The following FAT3 variants were observed in gnomAD, a reference collection of about 807,000 sequenced individuals.
FAT3 encodes the protein protocadherin Fat 3.
Under a neutral mutation model 310.2 loss-of-function variants are expected in FAT3, and 95 were observed. That is an observed-to-expected ratio of 0.31 (90% confidence interval 0.26 to 0.36). The LOEUF is 0.36. Ranked by LOEUF, FAT3 falls within the 10% of genes least tolerant of loss-of-function variation. The pLI is 1.00. For synonymous variants in FAT3, 2,314 were observed against 2,192.9 expected (o/e 1.06, Z -1.54); for missense variants, 5,408 against 5,715.6 (o/e 0.95, Z 1.74).
At chr11:92,374,026 A>AGG (rs1338083906) in intron 2 of FAT3, among the ~76,000 whole-genome samples, 18 of 124,228 alleles carry the variant, frequency 1.4e-4, no homozygotes, top group African/African-American at 7.3e-4. Context: ...TCAGACAGAG[A>AGG]GAGGGAGAGA....
At chr11:92,491,859 TG>T (rs1270516227) in intron 2 of FAT3, among the ~76,000 whole-genome samples, 2 of 152,158 alleles carry the variant, frequency 1.3e-5, no homozygotes, top group African/African-American at 4.8e-5. Context: ...GACAGACCTG[TG>T]CTTATTTTCT....
chr11:92,465,971 T>C (rs1951749747), intron 2 of FAT3, among the ~76,000 whole-genome samples: 1 of 152,180 alleles, frequency 6.6e-6, no homozygotes, highest in African/African-American at 2.4e-5. Flanking sequence ...TAGTCATAAA[T>C]AGTAGCATTT....
chr11:92,403,671 G>A (rs1453936006), intron 2 of FAT3, among the ~76,000 whole-genome samples: 1 of 152,186 alleles, frequency 6.6e-6, no homozygotes, highest in Non-Finnish European at 1.5e-5. Context: ...CAGGGCGGGG[G>A]AATGTGTAGG....
At position 92,799,160 on chromosome 11, in the gene FAT3, A is replaced by G. The variant is rs528526310; in HGVS notation, c.6147A>G (p.Leu2049=). The change falls in exon 10 of 28, where the codon TTA becomes TTG. Residue 2049 remains leucine, a synonymous_variant. Coordinates refer to ENST00000525166, the MANE Select transcript of FAT3 (RefSeq NM_001367949.2). ...CCTTTGACCGTGAAGAACAAGAGTT[A>G]TATGAGCTGGTGGTAGAAGCCAGCC... ...GVPFDREEQE[L]YELVVEASRE... is the part of the protein sequence containing the mutation. The G allele has an allele frequency of 6.2e-6, 10 of 1,613,986 alleles. No homozygotes were observed. In the East Asian group the frequency reaches 1.6e-4, roughly 25 times the overall value.
Position 92,792,652 on chromosome 11 carries a change from CT to C in FAT3, c.4612-114del, listed in dbSNP as rs1000739372. On this transcript the variant is annotated intron_variant, in intron 8 of 27. Coordinates refer to ENST00000525166, the MANE Select transcript of FAT3 (RefSeq NM_001367949.2). Reference sequence around the variant, plus strand: ...CTGAGCACCTACTAGAAGCCTGGAACTGGGTCAAGCACTTTGCGTGCATTAT... The same window carrying C: ...CTGAGCACCTACTAGAAGCCTGGAACGGGTCAAGCACTTTGCGTGCATTAT... 3 of 931,970 alleles carry C rather than the reference CT, an allele frequency of 3.2e-6. No individual in the cohort carries two copies. The African/African-American group carries it at 4.9e-5, about 15-fold the overall frequency. 57.7% of individuals were successfully genotyped at this position (931,970 alleles called of 1,614,324 possible).
At chr11:92,314,750 G>A (rs1400377723) in intron 1 of FAT3, among the ~76,000 whole-genome samples, 2 of 152,170 alleles carry the variant, frequency 1.3e-5, no homozygotes, top group Non-Finnish European at 2.9e-5. Context: ...CCTAAGGCTC[G>A]TTTTTAGCTG....
intron 13 of FAT3, among the ~76,000 whole-genome samples, chr11:92,829,391 G>T (rs1341896594): frequency 6.6e-6 from 1 of 152,184 alleles, no homozygotes; most frequent in Non-Finnish European, 1.5e-5. Flanking sequence ...AAACCTGTGT[G>T]CTGTATTTAT....
chr11:92,387,136 G>A (rs1288152276), intron 2 of FAT3, among the ~76,000 whole-genome samples: 5 of 151,432 alleles, frequency 3.3e-5, no homozygotes, highest in Middle Eastern at 6.8e-3. Context: ...ACGTCAGAGC[G>A]TCCTTTCCAC....
chr11:92,800,291 T>C lies in FAT3; in HGVS notation c.7278T>C (p.Phe2426=), dbSNP rs1318763182. ...CCTCTGATGCAGACAGCTCTGATTTTGACCGGTTGGAATATAGCATTTTAT... is the reference window on the plus strand; with the variant it reads ...CCTCTGATGCAGACAGCTCTGATTTCGACCGGTTGGAATATAGCATTTTAT... ...VQASDADSSD[F]DRLEYSILSG... is the part of the protein sequence containing the mutation. Residue 2426 remains phenylalanine (F), a synonymous_variant, in exon 10 of 28, where the codon TTT becomes TTC. Transcript: ENST00000525166. 3 of 1,613,908 alleles carry C rather than the reference T, an allele frequency of 1.9e-6. No individual in the cohort carries two copies. The highest frequency in any genetic ancestry group is 2.5e-6 in the Non-Finnish European group (3 of 1,179,786).
chr11:92,849,632 G>A (rs920306509), intron 19 of FAT3, among the ~76,000 whole-genome samples: 2 of 152,188 alleles, frequency 1.3e-5, no homozygotes, highest in African/African-American at 2.4e-5. Context: ...ATTGGGGCAC[G>A]GAGGAAGCAT....
rs116615287 is a variant in FAT3 at position 92,552,201 on chromosome 11, C to A, written c.3607+27253C>A. Reference sequence around the variant, plus strand: ...CAAGAATTCAAATGAAAATTTCTGCCTTCTCAGCATCAAGCAGTTATTGAA... The same window carrying A: ...CAAGAATTCAAATGAAAATTTCTGCATTCTCAGCATCAAGCAGTTATTGAA... On this transcript the variant is annotated intron_variant, in intron 3 of 27. Transcript: ENST00000525166. Among the ~76,000 whole-genome samples the A allele has an allele frequency of 6.1e-3, 931 of 152,230 alleles. 6 individuals are homozygous for A. The highest frequency in any genetic ancestry group is 0.021 in the African/African-American group (883 of 41,540).
chr11:92,423,917 C>A lies in FAT3; in HGVS notation c.3292+68513C>A, dbSNP rs192344480. Among the ~76,000 whole-genome samples the A allele has an allele frequency of 1.2e-3, 185 of 152,284 alleles. 1 individual carries two copies. Among genetic ancestry groups the A allele is most frequent in the Admixed American group, 3.7e-3 (57 of 15,282 alleles). On this transcript the variant is annotated intron_variant, in intron 2 of 27. Coordinates refer to ENST00000525166, the MANE Select transcript of FAT3 (RefSeq NM_001367949.2). ...TAGTCTACTGATTGTAAATATTAAT[C>A]ATGTCTAAAATATACCTTCACAGTA...
At chr11:92,371,992 C>T (rs757834851) in intron 2 of FAT3, among the ~76,000 whole-genome samples, 1 of 152,290 alleles carries the variant, frequency 6.6e-6, no homozygotes. Context: ...CACAGCTTCA[C>T]AACAATACTC....
chr11:92,399,484 G>T (rs187926323), intron 2 of FAT3, among the ~76,000 whole-genome samples: 120 of 152,120 alleles, frequency 7.9e-4, no homozygotes, highest in African/African-American at 2.8e-3. Flanking sequence ...TTCTTTCTGT[G>T]CACACTCATA....
rs1591330757 is a variant in FAT3, at chr11:92,469,093, C to T, written c.3293-55541C>T. Among the ~76,000 whole-genome samples the T allele has an allele frequency of 5.9e-5, 9 of 152,172 alleles. No homozygotes were observed. The South Asian group carries it at 1.2e-3, about 21-fold the overall frequency. ...ATTGTCTGTGAGGGTCATAACTTAA[C>T]GAACCATAGGGCTGATCAAGGTCAT... On this transcript the variant is annotated intron_variant, in intron 2 of 27. Coordinates refer to ENST00000525166, the MANE Select transcript of FAT3 (RefSeq NM_001367949.2).
chr11:92,593,655 T>A (rs2135565976), intron 3 of FAT3, among the ~76,000 whole-genome samples: 1 of 152,166 alleles, frequency 6.6e-6, no homozygotes, highest in African/African-American at 2.4e-5. Flanking sequence ...GTAACTAACA[T>A]AAATCTAAGA....
intron 2 of FAT3, among the ~76,000 whole-genome samples, chr11:92,460,672 A>T (rs144106502): frequency 6.6e-6 from 1 of 152,220 alleles, no homozygotes; most frequent in Non-Finnish European, 1.5e-5. Context: ...AGACAAATAG[A>T]TGAAATTTAG....
At chr11:92,884,278 T>C (rs992025846) in intron 24 of FAT3, among the ~76,000 whole-genome samples, 2 of 152,288 alleles carry the variant, frequency 1.3e-5, no homozygotes, top group Admixed American at 1.3e-4. Flanking sequence ...GGCATGATAA[T>C]TTACATTTTT....
rs778062983 is a variant in FAT3 at position 92,801,414 on chromosome 11, G to C, written c.8401G>C (p.Asp2801His). ...AGACATTGTGTTTACTGTGGATGTA[G>C]ATATCAAGGTATTGGATTTGAATGA... ...KVDIVFTVDV[D>H]IKVLDLNDNK... The change falls in exon 10 of 28, where the codon GAT becomes CAT. Residue 2801 changes from aspartate (D) to histidine (H), a missense_variant. This residue lies in a region of FAT3 where 4,588 missense variants were observed against 4,809.8 expected (regional missense o/e 0.95). Coordinates refer to ENST00000525166, the MANE Select transcript of FAT3 (RefSeq NM_001367949.2). 1 of 1,613,924 alleles carries C rather than the reference G, an allele frequency of 6.2e-7. No individual in the cohort carries two copies. Among genetic ancestry groups the C allele is most frequent in the South Asian group, 1.1e-5 (1 of 91,064 alleles).
Sources: allele counts gnomAD v4.1 joint callset (sites outside exome capture counted in the v4.1 genomes callset), GRCh38; gene constraint gnomAD v4.1.1; regional missense constraint gnomAD v4.1.1; transcripts MANE v1.5; gene names NCBI Gene and HGNC (gene_info 2026-07-23, HGNC 2026-07-21).